Variants in BICRA observed in about 807,000 individuals in gnomAD.
BICRA encodes the protein BRD4 interacting chromatin remodeling complex associated protein.
A neutral mutation model predicts 96.9 loss-of-function variants in BICRA; 31 were observed. That is an observed-to-expected ratio of 0.32 (90% CI 0.24 to 0.43). The LOEUF is 0.43. BICRA is among the 20% of genes least tolerant of loss of function. The pLI, the probability that BICRA is intolerant of heterozygous loss-of-function variation, is 1.00. For synonymous variants in BICRA, 1,350 were observed against 1,071.8 expected (o/e 1.26, Z -5.07); for missense variants, 2,283 against 2,190.3 (o/e 1.04, Z -0.84).
At chr19:47,685,791 G>GCGCGCGCGCGCGCA (rs1568573300) in intron 7 of BICRA, among the ~76,000 whole-genome samples, 1 of 127,652 alleles carries the variant, frequency 7.8e-6, no homozygotes, top group Non-Finnish European at 1.6e-5. Flanking sequence ...GTGTGTGCGC[G>GCGCGCGCGCGCGCA]CGCGCGCGCA....
intron 7 of BICRA, 39 bp from the exon 8 acceptor site, chr19:47,694,076 G>C: frequency 6.9e-7 from 1 of 1,454,310 alleles, no homozygotes; most frequent in Non-Finnish European, 9.0e-7. Flanking sequence ...GGTTGGTTCT[G>C]ACCCCCGCCC....
At position 47,694,288 on chromosome 19, in the gene BICRA, G is replaced by A. The variant is rs775426372; in HGVS notation, c.2457G>A (p.Leu819=). 5 of 637,312 alleles carry A rather than the reference G, an allele frequency of 7.8e-6. No homozygotes were observed. In the East Asian group the frequency reaches 1.8e-4, roughly 23 times the overall value. The allele number at this position is 637,312 out of a possible 1,614,324, so 39.5% of individuals were successfully genotyped here. The change falls in exon 8 of 15, where the codon TTG becomes TTA. Residue 819 remains leucine (L), a synonymous_variant. Transcript: ENST00000594866. ...SVSRPPSEPP[L]HPCPPPQAPP... ...CCCGCCCTCCCTCAGAGCCACCCTTGCACCCTTGCCCCCCACCCCAGGCCC... is the reference window on the plus strand; with the variant it reads ...CCCGCCCTCCCTCAGAGCCACCCTTACACCCTTGCCCCCCACCCCAGGCCC...
chr19:47,641,193 T>A (rs1447283232), intron 1 of BICRA, among the ~76,000 whole-genome samples: 1 of 151,420 alleles, frequency 6.6e-6, no homozygotes, highest in African/African-American at 2.4e-5. Flanking sequence ...GTTCTGGGAT[T>A]ACAGACATCA....
intron 5 of BICRA, among the ~76,000 whole-genome samples, chr19:47,676,198 C>T (rs1384931253): frequency 2.6e-5 from 4 of 152,034 alleles, no homozygotes; most frequent in Non-Finnish European, 5.9e-5. Flanking sequence ...TGGGGTGGCT[C>T]ATGCAGAGTG....
In BICRA at chr19:47,701,768, C is replaced by T. The variant is rs1415074384; in HGVS notation, c.4036C>T (p.Pro1346Ser). The T allele has an allele frequency of 1.9e-6, 3 of 1,539,176 alleles. No individual in the cohort carries two copies. The highest frequency in any genetic ancestry group is 1.8e-6 in the Non-Finnish European group (2 of 1,142,010). The stretch of plus-strand genomic sequence containing the variant: ...CGCTACCCTCAAGGTGGCCGAGCCC[C>T]CGCCACGGCCGCCACCACCACCGCC... ...PPATLKVAEP[P>S]PRPPPPPPPT... Residue 1346 changes from proline to serine, a missense_variant, in exon 15 of 15, where the codon CCG becomes TCG. Coordinates refer to ENST00000594866, the MANE Select transcript of BICRA (RefSeq NM_001394372.1). This position sits in a 1 kb window ranked among gnomAD's most constrained non-coding sequence, Gnocchi z 5.4.
At chr19:47,656,925 G>A (rs1426396274) in intron 1 of BICRA, among the ~76,000 whole-genome samples, 2 of 151,674 alleles carry the variant, frequency 1.3e-5, no homozygotes, top group South Asian at 2.1e-4. Flanking sequence ...GCAGTGTGGC[G>A]ATCTCGGCTC....
Position 47,699,294 on chromosome 19 carries a change from C to G in BICRA, c.3493-9C>G, listed in dbSNP as rs1328839854. 1 of 1,521,134 alleles carries G rather than the reference C, an allele frequency of 6.6e-7. No individual in the cohort carries two copies. The highest frequency in any genetic ancestry group is 1.4e-5 in the African/African-American group (1 of 72,518). The allele number at this position is 1,521,134 out of a possible 1,614,324, so 94.2% of individuals were successfully genotyped here. On this transcript the variant is annotated splice_polypyrimidine_tract_variant and intron_variant, in intron 13 of 14. Coordinates refer to ENST00000594866, the MANE Select transcript of BICRA (RefSeq NM_001394372.1). The surrounding 1 kb of genome is among the most constrained non-coding windows in gnomAD (Gnocchi z 5.0). ...GTTCACTCGCACGTCGTCTTTTCCC[C>G]CACCCCAGAGGGTGAGCCCCTCAGC...
At chr19:47,667,079 C>T (rs967598431) in intron 1 of BICRA, among the ~76,000 whole-genome samples, 33 of 149,618 alleles carry the variant, frequency 2.2e-4, no homozygotes, top group Admixed American at 5.3e-4. Flanking sequence ...AGTGCAGTGG[C>T]ACGATCTCGG....
chr19:47,685,536 T>C (rs1973131519), intron 7 of BICRA, among the ~76,000 whole-genome samples: 1 of 152,122 alleles, frequency 6.6e-6, no homozygotes, highest in Non-Finnish European at 1.5e-5. Context: ...ACTGGGTGAT[T>C]GGCCAAGTGT....
chr19:47,696,612 T>G (rs1973347614), intron 11 of BICRA, 100 bp downstream of exon 11: 1 of 1,097,520 alleles, frequency 9.1e-7, no homozygotes, highest in East Asian at 2.7e-5. Flanking sequence ...CAGGCCCAAG[T>G]GCCAAGCCCA....
rs80287978 is a variant in BICRA at position 47,665,178 on chromosome 19, C to T, written c.-107-5265C>T. On this transcript the variant is annotated intron_variant, in intron 1 of 14. Coordinates refer to ENST00000594866, the MANE Select transcript of BICRA (RefSeq NM_001394372.1). ...GATGGGGTCTGCCTCTGCCCTTTTG[C>T]TGTCCTCAGCACCCCCCACCAGACA... is the stretch of plus-strand genomic sequence containing the variant. 8.4e-3 allele frequency among the ~76,000 whole-genome samples: 1,241 copies of T among 147,734 alleles called. 37 individuals are homozygous for T. Among genetic ancestry groups the T allele is most frequent in the Admixed American group, 0.059 (885 of 14,942 alleles).
chr19:47,613,271 G>GC lies in BICRA; in HGVS notation c.-108+4106dup, dbSNP rs1473468491. Among the ~76,000 whole-genome samples, 3 of 152,146 alleles carry GC rather than the reference G, an allele frequency of 2.0e-5. No homozygotes were observed. The East Asian group carries it at 5.8e-4, about 29-fold the overall frequency. ...CCTTGTAGCCCAGGTCTAGCCAGCA[G>GC]CCCAGTTCCCCCGCCAGCTCTCAAC... On this transcript the variant is annotated intron_variant, in intron 1 of 14. Transcript: ENST00000594866.
At chr19:47,610,265 C>G (rs554520427) in intron 1 of BICRA, among the ~76,000 whole-genome samples, 1 of 152,348 alleles carries the variant, frequency 6.6e-6, no homozygotes, top group South Asian at 2.1e-4. Context: ...GTCTGCTTCC[C>G]CGACTCCTGT....
chr19:47,680,145 G>A lies in BICRA; in HGVS notation c.975G>A (p.Leu325=). The change falls in exon 6 of 15, where the codon CTG becomes CTA. Residue 325 remains leucine (L), a synonymous_variant. Coordinates refer to ENST00000594866, the MANE Select transcript of BICRA (RefSeq NM_001394372.1). ...CCGGGACGCCCTCGGGACAGCCGCT[G>A]GCGGTGGCCCCAGGCCTCGGCTCGT... The part of the protein sequence containing the change: ...APTGTPSGQP[L]AVAPGLGSSP... 1.3e-6 allele frequency: 2 copies of A among 1,525,964 alleles called. No individual in the cohort carries two copies. Among genetic ancestry groups the A allele is most frequent in the Non-Finnish European group, 8.7e-7 (1 of 1,146,334 alleles). The allele number at this position is 1,525,964 out of a possible 1,614,324, so 94.5% of individuals were successfully genotyped here.
chr19:47,609,398 T>TTC (rs1491035494), intron 1 of BICRA, among the ~76,000 whole-genome samples: 4 of 62,942 alleles, frequency 6.4e-5, no homozygotes, highest in African/African-American at 2.4e-4. Flanking sequence ...TTTTTTTTTT[T>TTC]CCTGCTCGGC....
At chr19:47,637,658 C>T (rs932137718) in intron 1 of BICRA, among the ~76,000 whole-genome samples, 3 of 152,068 alleles carry the variant, frequency 2.0e-5, no homozygotes, top group African/African-American at 7.2e-5. Flanking sequence ...TTTTTCTCAC[C>T]CTAAAAGGAA....
intron 5 of BICRA, among the ~76,000 whole-genome samples, chr19:47,677,114 G>T (rs577867997): frequency 1.3e-5 from 2 of 152,150 alleles, no homozygotes; most frequent in African/African-American, 4.8e-5. Flanking sequence ...AGCAGCACCC[G>T]CCTCATGGGA....
intron 1 of BICRA, among the ~76,000 whole-genome samples, chr19:47,664,674 G>A (rs1162693831): frequency 1.3e-5 from 2 of 152,202 alleles, no homozygotes; most frequent in Admixed American, 1.3e-4. Context: ...GGCAGCTTCG[G>A]CTGTGTGATG....
chr19:47,661,213 C>CAAAAAAA (rs58327756), intron 1 of BICRA, among the ~76,000 whole-genome samples: 2 of 76,490 alleles, frequency 2.6e-5, no homozygotes, highest in Non-Finnish European at 2.3e-5. Flanking sequence ...GACTCCGTCT[C>CAAAAAAA]AAAAAAAAAA....
Sources: gnomAD v4.1 joint callset for allele counts (sites outside exome capture counted in the v4.1 genomes callset) on GRCh38, gnomAD v4.1.1 for gene constraint, Gnocchi (gnomAD v3.1) non-coding constraint, MANE v1.5 for transcripts, NCBI Gene and HGNC (gene_info 2026-07-23, HGNC 2026-07-21) for gene names.